Variants in ZNF736 observed in about 807,000 individuals in gnomAD.
ZNF736 encodes the protein zinc finger protein 736, also known as KRAB-containing zinc-finger repressor protein.
ZNF736 carries 6 observed loss-of-function variants against 11.7 expected under a neutral mutation model. The observed-to-expected ratio is 0.51, with a 90% CI of 0.28 to 1.01. The LOEUF (loss-of-function observed/expected upper bound fraction) is 1.01. ZNF736 is among the 50% of genes least tolerant of loss of function. The pLI is 0.09. For missense variants in ZNF736, 444 were observed against 496.0 expected (o/e 0.90, Z 1.00); for synonymous variants, 139 against 164.7 (o/e 0.84, Z 1.19).
chr7:64,356,357 C>A lies in ZNF736; in HGVS notation c.*7210C>A, dbSNP rs1490364042. ...GTATAAAAGCACATTCAGAATGTCA[C>A]TTTCATAGATACTATGAATATCAAT... On this transcript the variant is annotated 3_prime_UTR_variant, in exon 4 of 4. Transcript: ENST00000423484. Among the ~76,000 whole-genome samples, 1 of 152,088 alleles carries A rather than the reference C, an allele frequency of 6.6e-6. No homozygotes were observed. The highest frequency in any genetic ancestry group is 2.4e-5 in the African/African-American group (1 of 41,422).
At chr7:64,314,793 C>G (rs1486029009) in intron 1 of ZNF736, among the ~76,000 whole-genome samples, 2 of 152,122 alleles carry the variant, frequency 1.3e-5, no homozygotes, top group Non-Finnish European at 2.9e-5. Context: ...TCGAACTCCC[C>G]GAGCTCAGGT....
intron 1 of ZNF736, among the ~76,000 whole-genome samples, chr7:64,327,577 A>G (rs1404679521): frequency 6.6e-6 from 1 of 152,104 alleles, no homozygotes; most frequent in African/African-American, 2.4e-5. Flanking sequence ...CCATTCTGTT[A>G]TCTGCTTTCT....
At chr7:64,330,891 A>G (rs633702) in intron 1 of ZNF736, among the ~76,000 whole-genome samples, 136,647 of 152,194 alleles carry the variant, frequency 0.9, 61,378 homozygotes, top group Middle Eastern at 0.92. Context: ...TTCTGATGCC[A>G]TATTCTACTG....
intron 1 of ZNF736, among the ~76,000 whole-genome samples, chr7:64,320,536 C>A (rs1788989687): frequency 6.6e-6 from 1 of 151,306 alleles, no homozygotes; most frequent in African/African-American, 2.4e-5. Context: ...TTTTTTTCTC[C>A]AATTTGATCT....
rs1423736040 is a variant in ZNF736, at chr7:64,354,840, T to C, written c.*5693T>C. The C allele has an allele frequency of 6.6e-6, 1 of 152,238 alleles. No homozygotes were observed. Among genetic ancestry groups the C allele is most frequent in the Non-Finnish European group, 1.5e-5 (1 of 68,040 alleles). The allele number at this position is 152,238 out of a possible 1,614,324, so 9.4% of individuals were successfully genotyped here. On this transcript the variant is annotated 3_prime_UTR_variant, in exon 4 of 4. Coordinates refer to ENST00000423484, the MANE Select transcript of ZNF736 (RefSeq NM_001170905.3). ...TTGACATAATTGAGTTTATTAAATTTATTGGGCCAATTTAAGTAAACAGTT... is the reference window on the plus strand; with the variant it reads ...TTGACATAATTGAGTTTATTAAATTCATTGGGCCAATTTAAGTAAACAGTT...
chr7:64,321,903 A>G (rs562294129), intron 1 of ZNF736, among the ~76,000 whole-genome samples: 11 of 152,200 alleles, frequency 7.2e-5, no homozygotes, highest in East Asian at 3.8e-4. Context: ...GTTACCTAAG[A>G]TATGAACTTT....
chr7:64,315,995 C>T (rs1339629191), intron 1 of ZNF736, among the ~76,000 whole-genome samples: 1 of 152,204 alleles, frequency 6.6e-6, no homozygotes, highest in Non-Finnish European at 1.5e-5. Context: ...CATCTCCTCT[C>T]ATCTTCTCTA....
Position 64,313,968 on chromosome 7 carries a change from C to T in ZNF736, c.-183C>T. ...GCAGCTACAGAGGAAGAGGCGGCCT[C>T]TTCAATATGGCGGGGCCTTTGTCTC... is the stretch of plus-strand genomic sequence containing the variant. On this transcript the variant is annotated 5_prime_UTR_variant, in exon 1 of 4. Transcript: ENST00000423484. 1.3e-6 allele frequency: 1 copy of T among 775,292 alleles called. No homozygotes were observed. Among genetic ancestry groups the T allele is most frequent in the South Asian group, 1.7e-5 (1 of 60,528 alleles). 48.0% of individuals were successfully genotyped at this position (775,292 alleles called of 1,614,324 possible).
chr7:64,331,950 G>A (rs945896609), intron 1 of ZNF736, among the ~76,000 whole-genome samples: 4 of 151,912 alleles, frequency 2.6e-5, no homozygotes, highest in African/African-American at 9.7e-5. Flanking sequence ...AAAGAACAAA[G>A]GCAGTCTTTA....
At chr7:64,321,427 G>A (rs953496639) in intron 1 of ZNF736, among the ~76,000 whole-genome samples, 3 of 152,284 alleles carry the variant, frequency 2.0e-5, no homozygotes, top group African/African-American at 4.8e-5. Flanking sequence ...TTTAAAGCAT[G>A]TTACCTAATT....
In ZNF736 at chr7:64,353,485, A is replaced by G. The variant is rs1014050594; in HGVS notation, c.*4338A>G. On this transcript the variant is annotated 3_prime_UTR_variant, in exon 4 of 4. Transcript: ENST00000423484. ...TACTTTTTTATATTAAAAGGATTCA[A>G]TATTTTTCAAAAGCAAATTTCAATA... 5.9e-5 allele frequency: 9 copies of G among 152,210 alleles called. No homozygotes were observed. The highest frequency in any genetic ancestry group is 1.7e-4 in the African/African-American group (7 of 41,446). 9.4% of individuals were successfully genotyped at this position (152,210 alleles called of 1,614,324 possible). A position where few individuals can be genotyped will look rare whatever the true frequency, so the allele number is the denominator to read the frequency against.
chr7:64,334,853 A>G (rs1789222398), intron 1 of ZNF736, among the ~76,000 whole-genome samples: 1 of 152,194 alleles, frequency 6.6e-6, no homozygotes. Flanking sequence ...TTATTGCAGC[A>G]CTATTTACAA....
chr7:64,331,288 A>T (rs1474323108), intron 1 of ZNF736, among the ~76,000 whole-genome samples: 2 of 152,126 alleles, frequency 1.3e-5, no homozygotes, highest in African/African-American at 4.8e-5. Context: ...CTCCCTCTGT[A>T]GGCTCTGGCT....
In ZNF736 at chr7:64,319,559, G is replaced by A. The variant is rs118085737; in HGVS notation, c.3+5406G>A. Among the ~76,000 whole-genome samples the A allele has an allele frequency of 2.1e-3, 271 of 130,828 alleles. 9 individuals are homozygous for A. In the East Asian group the frequency reaches 0.054, roughly 26 times the overall value. The allele number at this position is 130,828 out of a possible 152,430, so 85.8% of individuals were successfully genotyped here. On this transcript the variant is annotated intron_variant, in intron 1 of 3. Transcript: ENST00000423484. ...TGCCCAGACTGGAGTGCAGTCGAGC[G>A]GTCTTGGCTCACTGCAACCTCTGCC...
chr7:64,334,252 TA>T (rs756930233), intron 1 of ZNF736, among the ~76,000 whole-genome samples: 1 of 152,156 alleles, frequency 6.6e-6, no homozygotes, highest in Non-Finnish European at 1.5e-5. Flanking sequence ...ACTTCATGAC[TA>T]AAACACCAAA....
At chr7:64,328,679 G>A (rs1049794258) in intron 1 of ZNF736, among the ~76,000 whole-genome samples, 88 of 152,136 alleles carry the variant, frequency 5.8e-4, no homozygotes, top group African/African-American at 1.6e-3. Context: ...GGAGAATGGC[G>A]TGAACCCAGG....
Position 64,352,927 on chromosome 7 carries a change from TC to T in ZNF736, c.*3782del, listed in dbSNP as rs1269275502. On this transcript the variant is annotated 3_prime_UTR_variant, in exon 4 of 4. Transcript: ENST00000423484. ...CCACGTGAGGCATTGTTGAAGTGGG[TC>T]CTACAGACCATCACTATCAGCCCCC... 1 of 152,304 alleles carries T rather than the reference TC, an allele frequency of 6.6e-6. No individual in the cohort carries two copies. Among genetic ancestry groups the T allele is most frequent in the Non-Finnish European group, 1.5e-5 (1 of 68,130 alleles). 9.4% of individuals were successfully genotyped at this position (152,304 alleles called of 1,614,324 possible).
intron 1 of ZNF736, among the ~76,000 whole-genome samples, chr7:64,333,882 G>A (rs1050888122): frequency 1.3e-5 from 2 of 152,166 alleles, no homozygotes; most frequent in African/African-American, 4.8e-5. Context: ...CACGCTACCT[G>A]ACTTGAAACT....
In ZNF736 at chr7:64,314,093, G is replaced by C; in HGVS notation, c.-58G>C. 1 of 1,550,968 alleles carries C rather than the reference G, an allele frequency of 6.4e-7. No individual in the cohort carries two copies. Among genetic ancestry groups the C allele is most frequent in the Non-Finnish European group, 8.7e-7 (1 of 1,146,500 alleles). On this transcript the variant is annotated 5_prime_UTR_variant, in exon 1 of 4. The change abolishes the stop of an existing upstream ORF in the 5' untranslated region. Transcript: ENST00000423484. ...TCTACTATAGCTTCTGTTATCCTGT[G>C]ACCTGCAGGTACTGGGAGATCCATA...
Sources: allele counts gnomAD v4.1 joint callset (sites outside exome capture counted in the v4.1 genomes callset), GRCh38; gene constraint gnomAD v4.1.1; transcripts MANE v1.5; gene names NCBI Gene and HGNC (gene_info 2026-07-23, HGNC 2026-07-21).